Variants in PEX7 observed in about 807,000 individuals in gnomAD.
The protein encoded by PEX7 is PTS2 receptor.
In PEX7, 34 loss-of-function variants were observed where a neutral mutation model predicts 47.5. That is an observed-to-expected ratio of 0.72 (90% confidence interval 0.54 to 0.95). PEX7 has a LOEUF of 0.95. Ranked by LOEUF, PEX7 falls within the 40% of genes least tolerant of loss-of-function variation. PEX7 has a pLI of 0.00. For synonymous variants in PEX7, 141 were observed against 148.8 expected (o/e 0.95, Z 0.38); for missense variants, 394 against 400.3 (o/e 0.98, Z 0.13).
intron 3 of PEX7, among the ~76,000 whole-genome samples, chr6:136,843,220 C>G (rs546024420): frequency 6.6e-6 from 1 of 152,192 alleles, no homozygotes; most frequent in Non-Finnish European, 1.5e-5. Context: ...TACTTAACCT[C>G]TCTGGGCCTT....
At chr6:136,847,490 A>G (rs1774628570) in intron 5 of PEX7, among the ~76,000 whole-genome samples, 1 of 151,894 alleles carries the variant, frequency 6.6e-6, no homozygotes. Context: ...CTAACATGTA[A>G]GTCTTTAATC....
intron 3 of PEX7, among the ~76,000 whole-genome samples, chr6:136,838,838 C>G (rs916161708): frequency 2.6e-5 from 4 of 152,104 alleles, no homozygotes; most frequent in African/African-American, 7.2e-5. Context: ...ATACTATTCT[C>G]TCTACTTTTA....
chr6:136,868,116 G>A (rs1775108391), intron 6 of PEX7, among the ~76,000 whole-genome samples: 2 of 152,180 alleles, frequency 1.3e-5, no homozygotes, highest in Admixed American at 6.5e-5. Context: ...ACAGTAACAT[G>A]CTGGACAGGC....
At chr6:136,841,408 G>A (rs575667904) in intron 3 of PEX7, among the ~76,000 whole-genome samples, 10 of 152,240 alleles carry the variant, frequency 6.6e-5, no homozygotes, top group African/African-American at 2.4e-4. Flanking sequence ...TCCCTAGGGT[G>A]CTGTATATTC....
chr6:136,878,230 T>C (rs1775310558), intron 8 of PEX7, among the ~76,000 whole-genome samples: 1 of 152,216 alleles, frequency 6.6e-6, no homozygotes, highest in Non-Finnish European at 1.5e-5. Flanking sequence ...TTTCTAAGTA[T>C]ACAATCATGT....
intron 7 of PEX7, among the ~76,000 whole-genome samples, chr6:136,871,057 T>C (rs2115226581): frequency 6.6e-6 from 1 of 152,320 alleles, no homozygotes; most frequent in African/African-American, 2.4e-5. Context: ...CAATGCAACA[T>C]AGGAGACACA....
chr6:136,855,089 A>G (rs1426605400), intron 5 of PEX7, among the ~76,000 whole-genome samples: 1 of 152,074 alleles, frequency 6.6e-6, no homozygotes, highest in Non-Finnish European at 1.5e-5. Flanking sequence ...CTGTCTCAAA[A>G]AAAAAAAAAG....
At chr6:136,907,968 T>C (rs892980881) in intron 9 of PEX7, among the ~76,000 whole-genome samples, 3 of 152,180 alleles carry the variant, frequency 2.0e-5, no homozygotes, top group African/African-American at 7.2e-5. Context: ...TATAGTCTTC[T>C]TAGTGAATGC....
intron 5 of PEX7, among the ~76,000 whole-genome samples, chr6:136,862,847 G>A (rs552549404): frequency 2.6e-5 from 4 of 152,318 alleles, no homozygotes; most frequent in African/African-American, 9.6e-5. Flanking sequence ...AGTCAATTGT[G>A]TTGAGGTGTA....
intron 5 of PEX7, among the ~76,000 whole-genome samples, chr6:136,861,717 A>G (rs1043665228): frequency 6.6e-6 from 1 of 151,714 alleles, no homozygotes; most frequent in African/African-American, 2.4e-5. Flanking sequence ...GTTAAAAAGC[A>G]TACTCCAGAA....
Position 136,900,312 on chromosome 6 carries a change from A to AT in PEX7, c.903+2076dup, listed in dbSNP as rs1775731218. ...AGTTGTGTATATTATTAATTTATAT[A>AT]TTTTTCAAAGGATAATTTGTATTAT... On this transcript the variant is annotated intron_variant, in intron 9 of 9. Coordinates refer to ENST00000318471, the MANE Select transcript of PEX7 (RefSeq NM_000288.4). The surrounding 1 kb of genome is among the most constrained non-coding windows in gnomAD (Gnocchi z 4.2). 5.4e-6 allele frequency: 1 copy of AT among 184,614 alleles called. No individual in the cohort carries two copies. Among genetic ancestry groups the AT allele is most frequent in the Admixed American group, 5.6e-5 (1 of 17,842 alleles). The allele number at this position is 184,614 out of a possible 1,614,324, so 11.4% of individuals were successfully genotyped here.
At chr6:136,835,131 G>T (rs986021087) in intron 3 of PEX7, among the ~76,000 whole-genome samples, 2 of 151,952 alleles carry the variant, frequency 1.3e-5, no homozygotes, top group African/African-American at 4.8e-5. Flanking sequence ...CAACGTGTTG[G>T]TCAGGCTGGT....
chr6:136,889,069 T>C (rs1485128337), intron 8 of PEX7, among the ~76,000 whole-genome samples: 1 of 152,192 alleles, frequency 6.6e-6, no homozygotes. Context: ...GCTTCATATA[T>C]CTTTGGGTTA....
chr6:136,887,590 A>ATTCC (rs1775487317), intron 8 of PEX7, among the ~76,000 whole-genome samples: 1 of 152,072 alleles, frequency 6.6e-6, no homozygotes, highest in Non-Finnish European at 1.5e-5. Flanking sequence ...CAGCAAAAAT[A>ATTCC]TTCCTTCATA....
intron 9 of PEX7, among the ~76,000 whole-genome samples, chr6:136,903,334 CTCTTT>C (rs1472731186): frequency 8.0e-6 from 1 of 124,228 alleles, no homozygotes; most frequent in African/African-American, 2.7e-5. Context: ...TTCTTTCTTT[CTCTTT>C]TTTTTTTTTT....
Position 136,900,867 on chromosome 6 carries a change from A to G in PEX7, c.903+2626A>G. 3.6e-6 allele frequency: 1 copy of G among 277,148 alleles called. No homozygotes were observed. The highest frequency in any genetic ancestry group is 4.1e-5 in the South Asian group (1 of 24,580). 17.2% of individuals were successfully genotyped at this position (277,148 alleles called of 1,614,324 possible). A position where few individuals can be genotyped will look rare whatever the true frequency, so the allele number is the denominator to read the frequency against. On this transcript the variant is annotated intron_variant, in intron 9 of 9. Transcript: ENST00000318471. This position sits in a 1 kb window ranked among gnomAD's most constrained non-coding sequence, Gnocchi z 4.2. ...TCTTGCTTTGTCTCTGGTCTGTATT[A>G]TGGGCCAGCTTATGTAGTTGAGTAG... is the stretch of plus-strand genomic sequence containing the variant.
intron 2 of PEX7, among the ~76,000 whole-genome samples, chr6:136,826,041 T>G (rs1008550697): frequency 6.6e-6 from 1 of 152,098 alleles, no homozygotes; most frequent in Non-Finnish European, 1.5e-5. Flanking sequence ...ATTATAAAAT[T>G]TAAACATAAA....
At position 136,842,410 on chromosome 6, in the gene PEX7, G is replaced by A. The variant is rs140269852; in HGVS notation, c.340-3205G>A. ...GTTGTGCAACAGAAGACAGCTGACA[G>A]CAACAATGCCATCAGCATGGTTTTC... On this transcript the variant is annotated intron_variant, in intron 3 of 9. Coordinates refer to ENST00000318471, the MANE Select transcript of PEX7 (RefSeq NM_000288.4). Among the ~76,000 whole-genome samples the A allele has an allele frequency of 3.2e-3, 480 of 152,322 alleles. 2 individuals carry two copies. Among genetic ancestry groups the A allele is most frequent in the Middle Eastern group, 0.017 (5 of 294 alleles).
rs1410907111 is a variant in PEX7 at position 136,900,384 on chromosome 6, C to T, written c.903+2143C>T. ...AAAACTCAACCGTGTACATTTAATC[C>T]AGTTTAGTGGCAGGTTCTTTAGCCT... On this transcript the variant is annotated intron_variant, in intron 9 of 9. Coordinates refer to ENST00000318471, the MANE Select transcript of PEX7 (RefSeq NM_000288.4). The surrounding 1 kb of genome is among the most constrained non-coding windows in gnomAD (Gnocchi z 4.2). The T allele has an allele frequency of 3.2e-5, 10 of 313,820 alleles. No homozygotes were observed. Among genetic ancestry groups the T allele is most frequent in the South Asian group, 6.7e-5 (2 of 29,976 alleles). The allele number at this position is 313,820 out of a possible 1,614,324, so 19.4% of individuals were successfully genotyped here.
Sources: gnomAD v4.1 joint callset for allele counts (sites outside exome capture counted in the v4.1 genomes callset) on GRCh38, gnomAD v4.1.1 for gene constraint, Gnocchi (gnomAD v3.1) non-coding constraint, MANE v1.5 for transcripts, NCBI Gene and HGNC (gene_info 2026-07-23, HGNC 2026-07-21) for gene names.